TTLL11: variants seen among roughly 807,000 people sequenced by gnomAD.
TTLL11 encodes the protein tubulin polyglutamylase TTLL11.
Under a neutral mutation model 51.7 loss-of-function variants are expected in TTLL11, and 42 were observed. That is an observed-to-expected ratio of 0.81 (90% CI 0.64 to 1.05). The LOEUF is 1.05. Ranked by LOEUF, TTLL11 falls within the 50% of genes least tolerant of loss-of-function variation. The probability of loss-of-function intolerance (pLI) is 0.00; values close to 1 mark genes in which losing one functional copy is unlikely to be tolerated. For synonymous variants in TTLL11, 381 were observed against 383.5 expected (o/e 0.99, Z 0.08); for missense variants, 799 against 940.4 (o/e 0.85, Z 1.97).
chr9:122,002,243 T>G (rs770424290), intron 3 of TTLL11, among the ~76,000 whole-genome samples: 4 of 152,234 alleles, frequency 2.6e-5, no homozygotes, highest in African/African-American at 4.8e-5. Context: ...CTCTGCTTCC[T>G]TAATAAATCA....
intron 6 of TTLL11, among the ~76,000 whole-genome samples, chr9:121,952,957 C>A (rs1169211042): frequency 2.0e-5 from 3 of 152,066 alleles, no homozygotes; most frequent in Non-Finnish European, 2.9e-5. Flanking sequence ...AATTCAGAAC[C>A]CAAGTGGAAG....
At chr9:121,933,145 GA>G (rs1490011727) in intron 6 of TTLL11, among the ~76,000 whole-genome samples, 2 of 152,134 alleles carry the variant, frequency 1.3e-5, no homozygotes, top group Non-Finnish European at 2.9e-5. Flanking sequence ...GTACAAAGGG[GA>G]AATGATCAAG....
intron 1 of TTLL11, among the ~76,000 whole-genome samples, chr9:122,052,808 G>C (rs140803831): frequency 6.6e-6 from 1 of 152,092 alleles, no homozygotes; most frequent in Non-Finnish European, 1.5e-5. Flanking sequence ...TCCTTCCCTC[G>C]AGTTCAGGAA....
intron 8 of TTLL11, among the ~76,000 whole-genome samples, chr9:121,826,592 T>C (rs1293914109): frequency 7.1e-6 from 1 of 140,536 alleles, no homozygotes; most frequent in African/African-American, 2.6e-5. Context: ...TGTATATGGT[T>C]TTATACCAGG....
intron 6 of TTLL11, among the ~76,000 whole-genome samples, chr9:121,910,150 G>C (rs1222743305): frequency 6.6e-6 from 1 of 152,194 alleles, no homozygotes; most frequent in African/African-American, 2.4e-5. Flanking sequence ...ACCAGAGCTA[G>C]AGCTGTGGTC....
Position 121,989,380 on chromosome 9 carries a change from T to TGCTA in TTLL11, c.1080_1083dup (p.Thr362Ter). 1 of 1,614,174 alleles carries TGCTA rather than the reference T, an allele frequency of 6.2e-7. No homozygotes were observed. The highest frequency in any genetic ancestry group is 8.5e-7 in the Non-Finnish European group (1 of 1,180,040). On this transcript the variant is annotated stop_gained and frameshift_variant, in exon 4 of 9. Transcript: ENST00000321582. LOFTEE classifies it high-confidence loss of function. This position sits in a 1 kb window ranked among gnomAD's most constrained non-coding sequence, Gnocchi z 4.2. ...CTGGAAAAAGTCCTTTTGCTGCCAG[T>TGCTA]GCTAGCACTGTCCGAGTGGATGAAG...
chr9:121,859,216 C>T (rs977636497), intron 8 of TTLL11, among the ~76,000 whole-genome samples: 4 of 151,952 alleles, frequency 2.6e-5, no homozygotes, highest in East Asian at 1.9e-4. Context: ...CTGGGCTGGG[C>T]GCAGTGGCTC....
intron 8 of TTLL11, among the ~76,000 whole-genome samples, chr9:121,847,172 T>C (rs906420899): frequency 7.2e-6 from 1 of 138,804 alleles, no homozygotes; most frequent in Non-Finnish European, 1.5e-5. Flanking sequence ...ATCGCACCAC[T>C]GCACTCCAGC....
intron 1 of TTLL11, among the ~76,000 whole-genome samples, chr9:122,066,738 G>A (rs1207887639): frequency 6.6e-6 from 1 of 152,118 alleles, no homozygotes; most frequent in Non-Finnish European, 1.5e-5. Context: ...GAGTAGTATG[G>A]TCCGTTTTCA....
At chr9:122,052,435 C>T (rs77700472) in intron 1 of TTLL11, among the ~76,000 whole-genome samples, 1 of 152,248 alleles carries the variant, frequency 6.6e-6, no homozygotes, top group East Asian at 1.9e-4. Context: ...TCTGTTTCCT[C>T]GATGGGAACA....
chr9:122,057,547 G>C (rs967183514), intron 1 of TTLL11, among the ~76,000 whole-genome samples: 1 of 151,970 alleles, frequency 6.6e-6, no homozygotes, highest in African/African-American at 2.4e-5. Flanking sequence ...GGGTGGTCTC[G>C]AACTCCTGGC....
chr9:121,975,583 G>A (rs1283941383), intron 4 of TTLL11, among the ~76,000 whole-genome samples: 1 of 152,206 alleles, frequency 6.6e-6, no homozygotes, highest in Non-Finnish European at 1.5e-5. Flanking sequence ...GTCGTGGCGC[G>A]AATCTGTAAT....
intron 6 of TTLL11, among the ~76,000 whole-genome samples, chr9:121,970,085 T>C (rs1277942140): frequency 6.6e-6 from 1 of 152,248 alleles, no homozygotes; most frequent in Non-Finnish European, 1.5e-5. Flanking sequence ...CTTTACATTG[T>C]AGGTAAGAAG....
chr9:121,854,440 C>A (rs1407978142), intron 8 of TTLL11, among the ~76,000 whole-genome samples: 1 of 152,154 alleles, frequency 6.6e-6, no homozygotes, highest in African/African-American at 2.4e-5. Context: ...TTCCTTTGCT[C>A]TCATGTTCCC....
intron 3 of TTLL11, among the ~76,000 whole-genome samples, chr9:122,020,755 G>A (rs1313997706): frequency 6.6e-6 from 1 of 152,206 alleles, no homozygotes; most frequent in African/African-American, 2.4e-5. Flanking sequence ...GAGGAGGAAG[G>A]CAGCTAGTCC....
chr9:121,826,035 T>C (rs4837893), intron 8 of TTLL11, among the ~76,000 whole-genome samples: 48,155 of 149,814 alleles, frequency 0.32, 7,947 homozygotes, highest in East Asian at 0.48. Flanking sequence ...GAGGGGGAGA[T>C]GCTTTTAATT....
At chr9:121,889,083 G>A (rs1304164165) in intron 6 of TTLL11, among the ~76,000 whole-genome samples, 1 of 152,186 alleles carries the variant, frequency 6.6e-6, no homozygotes, top group Non-Finnish European at 1.5e-5. Context: ...CTAATACATC[G>A]TGAGTTTACT....
chr9:122,010,590 C>T (rs1314774803), intron 3 of TTLL11, among the ~76,000 whole-genome samples: 1 of 152,190 alleles, frequency 6.6e-6, no homozygotes, highest in Non-Finnish European at 1.5e-5. Flanking sequence ...TTGCCATCCT[C>T]TGCAATGGAG....
chr9:121,889,639 C>T (rs1465747767), intron 6 of TTLL11, among the ~76,000 whole-genome samples: 6 of 152,178 alleles, frequency 3.9e-5, no homozygotes, highest in African/African-American at 1.2e-4. Flanking sequence ...CAGTGGCTCA[C>T]GCCTGTAATC....
Sources: gnomAD v4.1 joint callset for allele counts (sites outside exome capture counted in the v4.1 genomes callset) on GRCh38, gnomAD v4.1.1 for gene constraint, Gnocchi (gnomAD v3.1) non-coding constraint, MANE v1.5 for transcripts, NCBI Gene and HGNC (gene_info 2026-07-23, HGNC 2026-07-21) for gene names.